Variants in DPP10 observed in about 807,000 individuals in gnomAD.
DPP10 encodes dipeptidyl peptidase like 10, also known as inactive dipeptidyl peptidase 10.
DPP10 carries 33 observed loss-of-function variants against 120.9 expected under a neutral mutation model. That is an observed-to-expected ratio of 0.27 (90% CI 0.21 to 0.37). The LOEUF (loss-of-function observed/expected upper bound fraction) is 0.37, where lower values mean the gene tolerates loss of function less well. Among genes scored for constraint, DPP10 ranks in the 10% least tolerant of loss-of-function variants. The pLI, the probability that DPP10 is intolerant of heterozygous loss-of-function variation, is 1.00. For missense variants in DPP10, 816 were observed against 942.8 expected, an observed-to-expected ratio of 0.87 and a Z score of 1.76; for synonymous variants, 337 against 326.1, an observed-to-expected ratio of 1.03 and a Z score of -0.36.
rs572622772 is a variant in DPP10 at position 114,653,208 on chromosome 2, C to T, written c.60+210370C>T. Among the ~76,000 whole-genome samples, 8 of 152,168 alleles carry T rather than the reference C, an allele frequency of 5.3e-5. 1 individual carries two copies. In the South Asian group the frequency reaches 1.7e-3, roughly 32 times the overall value. The stretch of plus-strand genomic sequence containing the variant: ...TTAAGACAAGATCATCTTAGATTAT[C>T]CAGGTGGATTCTAATTCCAAGGCTA... On this transcript the variant is annotated intron_variant, in intron 1 of 25. Transcript: ENST00000410059.
intron 1 of DPP10, among the ~76,000 whole-genome samples, chr2:115,262,085 C>T (rs2105756356): frequency 6.6e-6 from 1 of 152,120 alleles, no homozygotes; most frequent in African/African-American, 2.4e-5. Context: ...AATTGCTTTC[C>T]TTGTTTTTAA....
intron 2 of DPP10, among the ~76,000 whole-genome samples, chr2:115,331,480 G>A (rs1181996836): frequency 6.6e-6 from 1 of 152,008 alleles, no homozygotes; most frequent in East Asian, 1.9e-4. Context: ...GTGGTGAAAG[G>A]GGGCATCCCC....
At chr2:115,266,682 T>G (rs372403391) in intron 1 of DPP10, among the ~76,000 whole-genome samples, 19 of 152,272 alleles carry the variant, frequency 1.2e-4, no homozygotes, top group African/African-American at 3.9e-4. Flanking sequence ...GTCTGTGGTA[T>G]TAAGCTTTTT....
At chr2:114,523,244 G>A (rs1050807528) in intron 1 of DPP10, among the ~76,000 whole-genome samples, 24 of 152,286 alleles carry the variant, frequency 1.6e-4, no homozygotes, top group African/African-American at 5.5e-4. Context: ...GAGGTGAGGG[G>A]CTGGACTTTT....
At chr2:114,758,368 A>G (rs1201084520) in intron 1 of DPP10, among the ~76,000 whole-genome samples, 2 of 152,190 alleles carry the variant, frequency 1.3e-5, no homozygotes, top group East Asian at 1.9e-4. Flanking sequence ...ATTTCACCCA[A>G]TCATATTTTA....
intron 1 of DPP10, among the ~76,000 whole-genome samples, chr2:114,700,339 C>G (rs909687109): frequency 1.3e-5 from 2 of 152,090 alleles, no homozygotes; most frequent in Non-Finnish European, 2.9e-5. Context: ...GTAAAACAAA[C>G]AAACTCCTAG....
chr2:115,275,375 A>G (rs2059870110), intron 1 of DPP10, among the ~76,000 whole-genome samples: 1 of 152,202 alleles, frequency 6.6e-6, no homozygotes, highest in African/African-American at 2.4e-5. Flanking sequence ...TAACGAATCT[A>G]TCGATGTATA....
chr2:115,656,600 C>A (rs994647038), intron 5 of DPP10, among the ~76,000 whole-genome samples: 1 of 151,586 alleles, frequency 6.6e-6, no homozygotes, highest in African/African-American at 2.4e-5. Flanking sequence ...GCAAAAAACT[C>A]TTGGCTATGA....
intron 1 of DPP10, among the ~76,000 whole-genome samples, chr2:114,933,117 T>A (rs1297389099): frequency 2.6e-5 from 4 of 152,200 alleles, no homozygotes; most frequent in Non-Finnish European, 5.9e-5. Context: ...AACAAAGCAC[T>A]ATGTTAGCCA....
chr2:115,413,549 G>A (rs562017675), intron 3 of DPP10, among the ~76,000 whole-genome samples: 64 of 152,122 alleles, frequency 4.2e-4, no homozygotes, highest in African/African-American at 1.3e-3. Context: ...TTTGTCATCA[G>A]GATAATATGT....
At chr2:115,371,303 A>G (rs1333391683) in intron 3 of DPP10, among the ~76,000 whole-genome samples, 1 of 152,166 alleles carries the variant, frequency 6.6e-6, no homozygotes, top group Non-Finnish European at 1.5e-5. Flanking sequence ...CAATTTAAGT[A>G]TAATACAACT....
intron 1 of DPP10, among the ~76,000 whole-genome samples, chr2:115,012,335 T>C (rs1200038625): frequency 6.6e-6 from 1 of 152,134 alleles, no homozygotes; most frequent in Non-Finnish European, 1.5e-5. Flanking sequence ...CCACAGATAA[T>C]GGGCTCTTGA....
chr2:115,789,868 TGGA>T (rs1300170365), intron 17 of DPP10, among the ~76,000 whole-genome samples: 1 of 152,166 alleles, frequency 6.6e-6, no homozygotes, highest in Non-Finnish European at 1.5e-5. Flanking sequence ...CAAAAATCCA[TGGA>T]GTATCTAGGA....
intron 2 of DPP10, among the ~76,000 whole-genome samples, chr2:115,324,850 C>T (rs754281426): frequency 2.0e-5 from 3 of 152,114 alleles, no homozygotes; most frequent in South Asian, 2.1e-4. Flanking sequence ...CTCTTCCTTT[C>T]GCTGGAATAC....
chr2:115,788,154 T>C (rs983231877), intron 17 of DPP10, among the ~76,000 whole-genome samples: 2 of 152,110 alleles, frequency 1.3e-5, no homozygotes, highest in Non-Finnish European at 2.9e-5. Flanking sequence ...ACACATCAGA[T>C]TCCAATTTAC....
At chr2:115,334,378 G>T (rs1272131367) in intron 2 of DPP10, among the ~76,000 whole-genome samples, 2 of 151,426 alleles carry the variant, frequency 1.3e-5, no homozygotes, top group East Asian at 1.9e-4. Context: ...AACAGATGTA[G>T]TGTATTTGAC....
At chr2:114,514,555 A>G (rs753824849) in intron 1 of DPP10, among the ~76,000 whole-genome samples, 11 of 152,158 alleles carry the variant, frequency 7.2e-5, no homozygotes, top group Non-Finnish European at 1.0e-4. Context: ...TAAGGCATTG[A>G]CATTCCACAT....
chr2:114,445,427 A>G (rs929190169), intron 1 of DPP10, among the ~76,000 whole-genome samples: 3 of 152,124 alleles, frequency 2.0e-5, no homozygotes, highest in African/African-American at 2.4e-5. Context: ...TCTTCTCTCA[A>G]CAGTTAAACT....
chr2:114,751,232 G>A (rs1679187974), intron 1 of DPP10, among the ~76,000 whole-genome samples: 1 of 152,130 alleles, frequency 6.6e-6, no homozygotes, highest in Non-Finnish European at 1.5e-5. Flanking sequence ...CTCCCCACTG[G>A]CCTACCATAA....
Sources: gnomAD v4.1 joint callset for allele counts (sites outside exome capture counted in the v4.1 genomes callset) on GRCh38, gnomAD v4.1.1 for gene constraint, MANE v1.5 for transcripts, NCBI Gene and HGNC (gene_info 2026-07-23, HGNC 2026-07-21) for gene names.